EYA2: variants seen among roughly 807,000 people sequenced by gnomAD.
EYA2 encodes EYA transcriptional coactivator and phosphatase 2.
EYA2 carries 31 observed loss-of-function variants against 69.2 expected under a neutral mutation model. The ratio of observed to expected loss-of-function variants is 0.45; its 90% CI spans 0.34 to 0.60. The LOEUF (loss-of-function observed/expected upper bound fraction) is 0.60, where lower values mean the gene tolerates loss of function less well. Ranked by LOEUF, EYA2 falls within the 20% of genes least tolerant of loss-of-function variation. The probability of loss-of-function intolerance (pLI) is 0.02; values close to 1 mark genes in which losing one functional copy is unlikely to be tolerated. For synonymous variants in EYA2, 257 were observed against 279.4 expected (o/e 0.92, Z 0.80); for missense variants, 622 against 701.2 (o/e 0.89, Z 1.28).
At chr20:46,960,464 C>T (rs73305641) in intron 1 of EYA2, among the ~76,000 whole-genome samples, 4,586 of 152,156 alleles carry the variant, frequency 0.03, 223 homozygotes, top group African/African-American at 0.11. Flanking sequence ...ATCCCAGCAG[C>T]GCTATGGACT....
intron 1 of EYA2, among the ~76,000 whole-genome samples, chr20:46,911,970 A>G (rs530601316): frequency 6.6e-6 from 1 of 152,370 alleles, no homozygotes; most frequent in African/African-American, 2.4e-5. Context: ...TAAATGTTTG[A>G]GGTGACGGAT....
At chr20:47,072,864 A>T (rs6094582) in intron 6 of EYA2, among the ~76,000 whole-genome samples, 31,987 of 152,192 alleles carry the variant, frequency 0.21, 3,520 homozygotes, top group South Asian at 0.27. Context: ...GCTACCATTT[A>T]AAACAGAACC....
At chr20:46,936,758 G>A (rs1230257551) in intron 1 of EYA2, among the ~76,000 whole-genome samples, 2 of 152,150 alleles carry the variant, frequency 1.3e-5, no homozygotes, top group Non-Finnish European at 2.9e-5. Context: ...TGACCGGAGG[G>A]GTGTCCCGTC....
intron 10 of EYA2, among the ~76,000 whole-genome samples, chr20:47,166,393 T>TTAA (rs1555806208): frequency 0.011 from 379 of 34,518 alleles, 46 homozygotes; most frequent in Middle Eastern, 0.067. Flanking sequence ...CAAGACTGTC[T>TTAA]AAAAAAAAAA....
At chr20:46,965,382 A>C (rs1161609558) in intron 1 of EYA2, among the ~76,000 whole-genome samples, 1 of 152,200 alleles carries the variant, frequency 6.6e-6, no homozygotes, top group Admixed American at 6.5e-5. Flanking sequence ...GCCCACCAGC[A>C]GTGTTCCCAA....
Position 47,016,237 on chromosome 20 carries a change from T to C in EYA2, c.355T>C (p.Tyr119His). Residue 119 changes from tyrosine to histidine, a missense_variant, in exon 5 of 16, where the codon TAT (tyrosine) becomes CAT (histidine). Coordinates refer to ENST00000327619, the MANE Select transcript of EYA2 (RefSeq NM_005244.5). ...CCCTGGCCAGAGTGGATTCCTCAGC[T>C]ATGGCTCCAGCTTCAGCACCTCACC... ...HSPGQSGFLS[Y>H]GSSFSTSPTG... The C allele has an allele frequency of 1.2e-6, 2 of 1,614,200 alleles. No homozygotes were observed. Among genetic ancestry groups the C allele is most frequent in the Non-Finnish European group, 1.7e-6 (2 of 1,180,032 alleles).
chr20:46,938,315 G>A lies in EYA2; in HGVS notation c.-11+43328G>A, dbSNP rs149398461. 8.7e-4 allele frequency among the ~76,000 whole-genome samples: 132 copies of A among 152,258 alleles called. 1 individual carries two copies. Among genetic ancestry groups the A allele is most frequent in the African/African-American group, 2.9e-3 (122 of 41,550 alleles). ...AACCATGAGAGTTACTTGCAAACAT[G>A]ATGATTCTTCACCCCAAAATACTTC... is the stretch of plus-strand genomic sequence containing the variant. On this transcript the variant is annotated intron_variant, in intron 1 of 15. Coordinates refer to ENST00000327619, the MANE Select transcript of EYA2 (RefSeq NM_005244.5).
chr20:47,053,839 A>G (rs2030464988), intron 5 of EYA2, among the ~76,000 whole-genome samples: 1 of 151,772 alleles, frequency 6.6e-6, no homozygotes, highest in Admixed American at 6.6e-5. Flanking sequence ...AAATTTCCAC[A>G]AAGGAGGGGC....
intron 4 of EYA2, among the ~76,000 whole-genome samples, chr20:47,005,403 C>T (rs576776411): frequency 2.0e-5 from 3 of 152,288 alleles, no homozygotes; most frequent in South Asian, 4.1e-4. Context: ...AAAGCGTCAT[C>T]GTGAGGTGTA....
chr20:47,117,335 C>T (rs759839070), intron 9 of EYA2: 2 of 982,008 alleles, frequency 2.0e-6, no homozygotes. Context: ...ACTCCATCCC[C>T]AGGCCATCCT....
intron 6 of EYA2, among the ~76,000 whole-genome samples, chr20:47,073,503 G>T (rs549770771): frequency 2.0e-5 from 3 of 151,778 alleles, no homozygotes; most frequent in African/African-American, 7.2e-5. Context: ...GTGGGGGGGG[G>T]GTGCAGTGTG....
chr20:47,066,792 G>T (rs1421557002), intron 5 of EYA2, among the ~76,000 whole-genome samples: 1 of 152,284 alleles, frequency 6.6e-6, no homozygotes, highest in East Asian at 1.9e-4. Context: ...CCCTCCAGGA[G>T]ACCTGCCACC....
At chr20:47,123,000 C>A (rs1338376883) in intron 9 of EYA2, among the ~76,000 whole-genome samples, 1 of 152,166 alleles carries the variant, frequency 6.6e-6, no homozygotes, top group Admixed American at 6.5e-5. Flanking sequence ...AGTCACTTTG[C>A]CTTCCTGTGC....
chr20:46,989,178 C>T (rs1981486154), intron 1 of EYA2, among the ~76,000 whole-genome samples: 1 of 152,152 alleles, frequency 6.6e-6, no homozygotes, highest in Non-Finnish European at 1.5e-5. Flanking sequence ...TTGGTCAGGT[C>T]CACAGTGATG....
At chr20:47,055,298 C>T (rs1224137856) in intron 5 of EYA2, among the ~76,000 whole-genome samples, 1 of 152,194 alleles carries the variant, frequency 6.6e-6, no homozygotes, top group African/African-American at 2.4e-5. Context: ...AAACTCTGGT[C>T]TTTATGGGTT....
chr20:46,938,631 T>G (rs369510291), intron 1 of EYA2, among the ~76,000 whole-genome samples: 126 of 152,174 alleles, frequency 8.3e-4, no homozygotes, highest in East Asian at 3.1e-3. Context: ...CTGACTTCCC[T>G]GAAAGCAAGT....
chr20:47,006,677 T>C (rs1382627195), intron 4 of EYA2, among the ~76,000 whole-genome samples: 1 of 152,166 alleles, frequency 6.6e-6, no homozygotes. Flanking sequence ...GGGCAGACAG[T>C]GGTCAACAAA....
chr20:47,168,870 AACTCT>A (rs2034260329), intron 10 of EYA2, among the ~76,000 whole-genome samples: 1 of 152,118 alleles, frequency 6.6e-6, no homozygotes, highest in Admixed American at 6.5e-5. Flanking sequence ...TTTAATGCAA[AACTCT>A]CTCTGTTTGG....
intron 9 of EYA2, among the ~76,000 whole-genome samples, chr20:47,135,818 C>CAAAAA (rs1201324879): frequency 1.2e-3 from 40 of 32,964 alleles, no homozygotes; most frequent in African/African-American, 1.9e-3. Context: ...CCTGTCTCTA[C>CAAAAA]AAAAAAAAAA....
Sources: gnomAD v4.1 joint callset for allele counts (sites outside exome capture counted in the v4.1 genomes callset) on GRCh38, gnomAD v4.1.1 for gene constraint, MANE v1.5 for transcripts, NCBI Gene and HGNC (gene_info 2026-07-23, HGNC 2026-07-21) for gene names.